The following DIO1 variants were observed in gnomAD, a reference collection of about 807,000 sequenced individuals.
DIO1 encodes iodothyronine deiodinase 1, also known as type I iodothyronine deiodinase.
In DIO1, 17 loss-of-function variants were observed where a neutral mutation model predicts 25.9. The ratio of observed to expected loss-of-function variants is 0.66; its 90% CI spans 0.45 to 0.98. The LOEUF is 0.98. Ranked by LOEUF, DIO1 falls within the 50% of genes least tolerant of loss-of-function variation. The probability of loss-of-function intolerance (pLI) is 0.00; values close to 1 mark genes in which losing one functional copy is unlikely to be tolerated. For missense variants in DIO1, 270 were observed against 310.4 expected (o/e 0.87, Z 0.98); for synonymous variants, 115 against 114.0 (o/e 1.01, Z -0.05).
chr1:53,898,334 G>A (rs1651183200), intron 1 of DIO1, among the ~76,000 whole-genome samples: 1 of 152,174 alleles, frequency 6.6e-6, no homozygotes, highest in Admixed American at 6.5e-5. Context: ...GCATCATCAG[G>A]AACCAGAGCT....
intron 1 of DIO1, among the ~76,000 whole-genome samples, chr1:53,895,206 T>C (rs6662856): frequency 0.6 from 91,313 of 152,020 alleles, 28,118 homozygotes; most frequent in East Asian, 0.84. Context: ...TGGCAGATCA[T>C]GAGGTCAGGA....
chr1:53,909,696 C>T (rs1430225359), intron 3 of DIO1, among the ~76,000 whole-genome samples: 1 of 152,178 alleles, frequency 6.6e-6, no homozygotes, highest in African/African-American at 2.4e-5. Flanking sequence ...GACTATGTCA[C>T]TTTATGTCCT....
At chr1:53,906,842 C>T (rs1018269787) in intron 3 of DIO1, among the ~76,000 whole-genome samples, 3 of 152,080 alleles carry the variant, frequency 2.0e-5, no homozygotes, top group Non-Finnish European at 2.9e-5. Flanking sequence ...TTAGTAGAGA[C>T]GGGGTTTCAC....
In DIO1 at chr1:53,910,208, C is replaced by T. The variant is rs1189760884; in HGVS notation, c.*209C>T. On this transcript the variant is annotated 3_prime_UTR_variant, in exon 4 of 4. Transcript: ENST00000361921. ...AAATTGTTATTATCAGAAAATGAAGCAACACTTGAGCTGTTCAGGCCAGTT... is the reference window on the plus strand; with the variant it reads ...AAATTGTTATTATCAGAAAATGAAGTAACACTTGAGCTGTTCAGGCCAGTT... The T allele has an allele frequency of 1.7e-6, 1 of 573,298 alleles. No homozygotes were observed. Among genetic ancestry groups the T allele is most frequent in the African/African-American group, 1.9e-5 (1 of 53,238 alleles). The allele number at this position is 573,298 out of a possible 1,614,324, so 35.5% of individuals were successfully genotyped here.
At chr1:53,899,086 A>G (rs531051420) in intron 1 of DIO1, among the ~76,000 whole-genome samples, 1 of 152,200 alleles carries the variant, frequency 6.6e-6, no homozygotes, top group East Asian at 1.9e-4. Context: ...ACACACGCAC[A>G]CACACACAAT....
chr1:53,904,859 T>C (rs1202789929), intron 2 of DIO1, 50 bp downstream of exon 2: 14 of 1,568,070 alleles, frequency 8.9e-6, no homozygotes, highest in Non-Finnish European at 1.1e-5. Flanking sequence ...GTCTTTTCTC[T>C]CTCCCTTTTC....
intron 2 of DIO1, among the ~76,000 whole-genome samples, chr1:53,905,152 C>T (rs1307436945): frequency 1.3e-5 from 2 of 149,474 alleles, no homozygotes; most frequent in Admixed American, 6.7e-5. Context: ...GGTGAAATGA[C>T]GGCCTTATGG....
In DIO1 at chr1:53,906,177, G is replaced by C; in HGVS notation, c.564G>C (p.Leu188=). 6.2e-7 allele frequency: 1 copy of C among 1,614,208 alleles called. No homozygotes were observed. The highest frequency in any genetic ancestry group is 1.6e-4 in the Middle Eastern group (1 of 6,062). ...GCCTGCAGGCAGCCCATCTACTGCT[G>C]GCCAGGAGCCCCCAGTGCCCTGTGG... The part of the protein sequence containing the change: ...QDRLQAAHLL[L]ARSPQCPVVV... The change falls in exon 3 of 4, where the codon CTG becomes CTC. Residue 188 remains leucine (L), a synonymous_variant. Coordinates refer to ENST00000361921, the MANE Select transcript of DIO1 (RefSeq NM_000792.7).
At chr1:53,898,273 TG>T (rs1651179240) in intron 1 of DIO1, among the ~76,000 whole-genome samples, 1 of 152,032 alleles carries the variant, frequency 6.6e-6, no homozygotes, top group Non-Finnish European at 1.5e-5. Context: ...ACATTCAGTT[TG>T]GCACAAGTGG....
intron 1 of DIO1, among the ~76,000 whole-genome samples, chr1:53,898,138 G>A (rs1401106296): frequency 6.6e-6 from 1 of 152,156 alleles, no homozygotes; most frequent in East Asian, 1.9e-4. Flanking sequence ...AAGCTTCCTG[G>A]AGGAGAGGAT....
At chr1:53,907,855 G>A (rs12080485) in intron 3 of DIO1, among the ~76,000 whole-genome samples, 15,084 of 146,886 alleles carry the variant, frequency 0.1, 862 homozygotes, top group African/African-American at 0.15. Flanking sequence ...AGGTTGTGGT[G>A]AGCAGAGATC....
rs185640863 is a variant in DIO1 at position 53,896,666 on chromosome 1, G to T, written c.337+2119G>T. ...TTCATGTGCAATTTCATGTGCACAT[G>T]AGTGTATGCACATGAGGAGTTTACA... On this transcript the variant is annotated intron_variant, in intron 1 of 3. Transcript: ENST00000361921. Among the ~76,000 whole-genome samples, 44 of 152,320 alleles carry T rather than the reference G, an allele frequency of 2.9e-4. No individual in the cohort carries two copies. In the East Asian group the frequency reaches 7.9e-3, roughly 27 times the overall value.
In DIO1 at chr1:53,894,464, C is replaced by A; in HGVS notation, c.254C>A (p.Thr85Lys). ...LKVRWQRLED[T>K]TELGGLAPNC... The stretch of plus-strand genomic sequence containing the variant: ...GTCCGTTGGCAGCGACTAGAGGACA[C>A]GACTGAGCTAGGGGGTCTGGCCCCA... Residue 85 changes from threonine to lysine, a missense_variant, in exon 1 of 4, where the codon ACG becomes AAG. Coordinates refer to ENST00000361921, the MANE Select transcript of DIO1 (RefSeq NM_000792.7). The surrounding 1 kb of genome is among the most constrained non-coding windows in gnomAD (Gnocchi z 4.9). The A allele has an allele frequency of 1.2e-6, 2 of 1,614,194 alleles. No individual in the cohort carries two copies. Among genetic ancestry groups the A allele is most frequent in the South Asian group, 1.1e-5 (1 of 91,082 alleles).
rs529002968 is a variant in DIO1 at position 53,899,830 on chromosome 1, C to T, written c.338-4836C>T. Among the ~76,000 whole-genome samples the T allele has an allele frequency of 1.7e-4, 26 of 152,216 alleles. No individual in the cohort carries two copies. The South Asian group carries it at 4.4e-3, about 25-fold the overall frequency. On this transcript the variant is annotated intron_variant, in intron 1 of 3. Transcript: ENST00000361921. Reference sequence around the variant, plus strand: ...AGCTGGGACTAGACATGTGTCACCACGCCTGGATAATTTTTTTTTAAGAGA... The same window carrying T: ...AGCTGGGACTAGACATGTGTCACCATGCCTGGATAATTTTTTTTTAAGAGA...
intron 2 of DIO1, 35 bp downstream of exon 2, chr1:53,904,844 C>T (rs1651567730): frequency 6.3e-7 from 1 of 1,592,180 alleles, no homozygotes; most frequent in South Asian, 1.2e-5. Flanking sequence ...CTACCTCTTC[C>T]CACTGTCTTT....
At chr1:53,900,456 T>C (rs537319929) in intron 1 of DIO1, among the ~76,000 whole-genome samples, 81 of 152,088 alleles carry the variant, frequency 5.3e-4, no homozygotes, top group African/African-American at 1.9e-3. Context: ...ATACAAAAAT[T>C]AGCCAGGCAT....
At chr1:53,895,572 G>A (rs1306069311) in intron 1 of DIO1, among the ~76,000 whole-genome samples, 1 of 151,894 alleles carries the variant, frequency 6.6e-6, no homozygotes, top group African/African-American at 2.4e-5. Flanking sequence ...CCTTCTCCCC[G>A]ACTTGCCCAC....
rs761747756 is a variant in DIO1 at position 53,909,958 on chromosome 1, C to T, written c.709C>T (p.Pro237Ser). Residue 237 changes from proline (P) to serine (S), a missense_variant, in exon 4 of 4, where the codon CCA becomes TCA. Physicochemically the swap from Pro to Ser is moderately conservative, Grantham distance 74. Transcript: ENST00000361921. ...TAAATCTGGCCCTTGGAACTACAAC[C>T]CAGAGGAAGTTCGTGCTGTTCTGGA... ...KGKSGPWNYN[P>S]EEVRAVLEKL... 6.2e-7 allele frequency: 1 copy of T among 1,614,154 alleles called. No homozygotes were observed. The highest frequency in any genetic ancestry group is 8.5e-7 in the Non-Finnish European group (1 of 1,180,040).
intron 1 of DIO1, among the ~76,000 whole-genome samples, chr1:53,901,898 CAAA>C (rs11291749): frequency 7.7e-6 from 1 of 130,460 alleles, no homozygotes; most frequent in Non-Finnish European, 1.7e-5. Flanking sequence ...TCTCATCTCT[CAAA>C]AAAAAAAAAA....
Sources: allele counts gnomAD v4.1 joint callset (sites outside exome capture counted in the v4.1 genomes callset), GRCh38; gene constraint gnomAD v4.1.1; non-coding constraint Gnocchi (gnomAD v3.1); transcripts MANE v1.5; gene names NCBI Gene and HGNC (gene_info 2026-07-23, HGNC 2026-07-21).